Variants in JCAD observed in about 807,000 individuals in gnomAD.
JCAD encodes junctional cadherin 5 associated, also known as junctional cadherin 5-associated protein.
In JCAD, 40 loss-of-function variants were observed where a neutral mutation model predicts 98.0. The ratio of observed to expected loss-of-function variants is 0.41; its 90% CI spans 0.32 to 0.53. The LOEUF is 0.53. Ranked by LOEUF, JCAD falls within the 20% of genes least tolerant of loss-of-function variation. JCAD has a pLI of 0.31. For missense variants in JCAD, 1,705 were observed against 1,738.1 expected, an observed-to-expected ratio of 0.98 and a Z score of 0.34; for synonymous variants, 691 against 682.3, an observed-to-expected ratio of 1.01 and a Z score of -0.20.
At chr10:30,061,731 C>CG (rs548752528), upstream of JCAD, among the ~76,000 whole-genome samples, 655 of 142,060 alleles carry the variant, frequency 4.6e-3, 7 homozygotes, top group South Asian at 0.049. Context: ...GAAATGCAGA[C>CG]TTTTTTTTTT....
chr10:30,015,962 T>C lies in JCAD; in HGVS notation c.*1921A>G, dbSNP rs1462613236. ...TCTGAACTCTTCCCCACTCAACTTT[T>C]CCTGGGAAGAGGATCTTTTTGTTTC... On this transcript the variant is annotated 3_prime_UTR_variant, in exon 4 of 4. Transcript: ENST00000375377. 6.6e-6 allele frequency: 1 copy of C among 152,188 alleles called. No homozygotes were observed. The highest frequency in any genetic ancestry group is 1.5e-5 in the Non-Finnish European group (1 of 68,044). The allele number at this position is 152,188 out of a possible 1,614,324, so 9.4% of individuals were successfully genotyped here.
chr10:30,069,001 A>G (rs1837835049), intron 2 of JCAD, among the ~76,000 whole-genome samples: 1 of 152,190 alleles, frequency 6.6e-6, no homozygotes, highest in Non-Finnish European at 1.5e-5. Flanking sequence ...CCTCTTGTTT[A>G]TAGGGCAACT....
chr10:30,087,375 G>T (rs1838183666), intron 1 of JCAD, among the ~76,000 whole-genome samples: 1 of 152,124 alleles, frequency 6.6e-6, no homozygotes, highest in African/African-American at 2.4e-5. Flanking sequence ...GGAGGTGGAG[G>T]TTACAGTGAG....
intron 2 of JCAD, chr10:30,044,945 C>A: frequency 4.6e-6 from 1 of 215,948 alleles, no homozygotes; most frequent in Non-Finnish European, 7.9e-6. Context: ...ACCCTAGGAG[C>A]CAACCTTCAA....
Position 30,084,781 on chromosome 10 carries a change from G to GTATCTATCTATC in JCAD, n.129-14972_129-14961dup, listed in dbSNP as rs61201965. Reference sequence around the variant, plus strand: ...GAGCCAATTTCTTATAATCAAATCTGTATCTATCTATCTATCTATCTATCT... The same window carrying GTATCTATCTATC: ...GAGCCAATTTCTTATAATCAAATCTGTATCTATCTATCTATCTATCTATCTATCTATCTATCT... On this transcript the variant is annotated intron_variant and non_coding_transcript_variant, in intron 1 of 2. Transcript: ENST00000465712. Among the ~76,000 whole-genome samples, 1,034 of 146,864 alleles carry GTATCTATCTATC rather than the reference G, an allele frequency of 7.0e-3. 5 individuals carry two copies. Among genetic ancestry groups the GTATCTATCTATC allele is most frequent in the Middle Eastern group, 0.014 (4 of 290 alleles).
intron 1 of JCAD, among the ~76,000 whole-genome samples, chr10:30,094,367 C>T (rs941434031): frequency 1.6e-4 from 24 of 152,084 alleles, no homozygotes; most frequent in African/African-American, 5.3e-4. Context: ...GAAAATCCCA[C>T]GATCCCGGGA....
chr10:30,086,432 G>A (rs1364565960), intron 1 of JCAD, among the ~76,000 whole-genome samples: 1 of 152,200 alleles, frequency 6.6e-6, no homozygotes, highest in Admixed American at 6.5e-5. Flanking sequence ...CTTTTGGTTT[G>A]CAGCTGCCTA....
chr10:30,059,522 C>G lies in JCAD; in HGVS notation c.-100G>C, dbSNP rs1003914100. ...TGCCGCCTCGCGCCGCCACCGCCGCCGCTCCGGCCGGCCGGGGACCAGCGC... is the reference window on the plus strand; with the variant it reads ...TGCCGCCTCGCGCCGCCACCGCCGCGGCTCCGGCCGGCCGGGGACCAGCGC... On this transcript the variant is annotated 5_prime_UTR_variant, in exon 1 of 4. Coordinates refer to ENST00000375377, the MANE Select transcript of JCAD (RefSeq NM_020848.4). This position sits in a 1 kb window ranked among gnomAD's most constrained non-coding sequence, Gnocchi z 5.0. 34 of 150,710 alleles carry G rather than the reference C, an allele frequency of 2.3e-4. No individual in the cohort carries two copies. The highest frequency in any genetic ancestry group is 4.5e-4 in the Non-Finnish European group (30 of 67,102). 9.3% of individuals were successfully genotyped at this position (150,710 alleles called of 1,614,324 possible).
chr10:30,108,380 C>T (rs942941845), intron 1 of JCAD, among the ~76,000 whole-genome samples: 1 of 151,636 alleles, frequency 6.6e-6, no homozygotes, highest in Non-Finnish European at 1.5e-5. Context: ...GTGAACTTGG[C>T]TCTCCAAGGC....
intron 1 of JCAD, among the ~76,000 whole-genome samples, chr10:30,084,817 CTATCTATCTATCTGTG>C (rs1196498874): frequency 1.6e-4 from 25 of 152,114 alleles, no homozygotes; most frequent in Middle Eastern, 3.4e-3. Flanking sequence ...ATCTATCTAT[CTATCTATCTATCTGTG>C]TATCTATCCA....
In JCAD at chr10:30,073,681, GCTTCCTTC is replaced by G. The variant is rs35385707; in HGVS notation, n.129-3868_129-3861del. 1.7e-4 allele frequency among the ~76,000 whole-genome samples: 23 copies of G among 138,000 alleles called. 1 individual carries two copies. In the East Asian group the frequency reaches 3.0e-3, roughly 18 times the overall value. 90.5% of individuals were successfully genotyped at this position (138,000 alleles called of 152,430 possible). A position where few individuals can be genotyped will look rare whatever the true frequency, so the allele number is the denominator to read the frequency against. On this transcript the variant is annotated intron_variant and non_coding_transcript_variant, in intron 1 of 2. Coordinates refer to the JCAD transcript ENST00000465712. ...TCCTTCCTTCCTTCCTTCCTTCCTT[GCTTCCTTC>G]CTTCCTTCCTTCCTTCCTTCTTTCC...
intron 1 of JCAD, among the ~76,000 whole-genome samples, chr10:30,073,457 A>C (rs1381166330): frequency 6.6e-6 from 1 of 152,226 alleles, no homozygotes; most frequent in Admixed American, 6.5e-5. Flanking sequence ...GGCACTCTAC[A>C]AACGGGAGGT....
intron 1 of JCAD, among the ~76,000 whole-genome samples, chr10:30,095,653 C>T (rs890072774): frequency 1.3e-5 from 2 of 152,232 alleles, no homozygotes; most frequent in Non-Finnish European, 2.9e-5. Flanking sequence ...ACCTGTGGAA[C>T]TCCCAGTCCT....
rs1013487124 is a variant in JCAD at position 30,015,157 on chromosome 10, T to C, written c.*2726A>G. 6.6e-5 allele frequency: 10 copies of C among 152,244 alleles called. No homozygotes were observed. The highest frequency in any genetic ancestry group is 2.2e-4 in the African/African-American group (9 of 41,468). The allele number at this position is 152,244 out of a possible 1,614,324, so 9.4% of individuals were successfully genotyped here. ...ACTAATCCATTGCATATGTAATCCC[T>C]CATATAATTTTTAGCCCAAATGGTC... On this transcript the variant is annotated 3_prime_UTR_variant, in exon 4 of 4. Coordinates refer to ENST00000375377, the MANE Select transcript of JCAD (RefSeq NM_020848.4).
At chr10:30,063,840 C>T (rs57982543), upstream of JCAD, among the ~76,000 whole-genome samples, 1,490 of 151,536 alleles carry the variant, frequency 9.8e-3, 29 homozygotes, top group African/African-American at 0.033. Flanking sequence ...TGGAGTCTTG[C>T]TCTGTTGCCC....
intron 1 of JCAD, among the ~76,000 whole-genome samples, chr10:30,072,021 C>T (rs1329579822): frequency 2.6e-5 from 4 of 152,052 alleles, no homozygotes; most frequent in South Asian, 2.1e-4. Context: ...TGATGGAACA[C>T]TTTATGGTAT....
intron 1 of JCAD, among the ~76,000 whole-genome samples, chr10:30,105,755 A>G (rs1838566180): frequency 6.6e-6 from 1 of 152,212 alleles, no homozygotes; most frequent in Non-Finnish European, 1.5e-5. Context: ...AATTCACATA[A>G]TGCTTGTCAA....
Position 30,015,558 on chromosome 10 carries a change from T to C in JCAD, c.*2325A>G, listed in dbSNP as rs751680439. ...AATTCAGAATGGTTTCAGAAAGATA[T>C]GATACAACAATTTAAGATAACAAAA... On this transcript the variant is annotated 3_prime_UTR_variant, in exon 4 of 4. Coordinates refer to ENST00000375377, the MANE Select transcript of JCAD (RefSeq NM_020848.4). The C allele has an allele frequency of 2.6e-5, 4 of 152,236 alleles. No individual in the cohort carries two copies. The highest frequency in any genetic ancestry group is 4.4e-5 in the Non-Finnish European group (3 of 68,034). The allele number at this position is 152,236 out of a possible 1,614,324, so 9.4% of individuals were successfully genotyped here.
upstream of JCAD, among the ~76,000 whole-genome samples, chr10:30,060,841 C>T (rs904217558): frequency 1.3e-5 from 2 of 152,184 alleles, no homozygotes; most frequent in East Asian, 1.9e-4. Context: ...CCAAGACCCT[C>T]GCTCTGAACC....
Sources: allele counts gnomAD v4.1 joint callset (sites outside exome capture counted in the v4.1 genomes callset), GRCh38; gene constraint gnomAD v4.1.1; non-coding constraint Gnocchi (gnomAD v3.1); transcripts MANE v1.5; gene names NCBI Gene and HGNC (gene_info 2026-07-23, HGNC 2026-07-21).